Variants in ENTPD4 observed in about 807,000 individuals in gnomAD.
ENTPD4 encodes ectonucleoside triphosphate diphosphohydrolase 4, also known as Golgi UDPase.
In ENTPD4, 60 loss-of-function variants were observed where a neutral mutation model predicts 79.1. The observed-to-expected ratio is 0.76, with a 90% CI of 0.62 to 0.94. The LOEUF (loss-of-function observed/expected upper bound fraction) is 0.94, where lower values mean the gene tolerates loss of function less well. Among genes scored for constraint, ENTPD4 ranks in the 40% least tolerant of loss-of-function variants. The probability of loss-of-function intolerance (pLI) is 0.00; values close to 1 mark genes in which losing one functional copy is unlikely to be tolerated. For missense variants in ENTPD4, 772 were observed against 775.1 expected (o/e 1.00, Z 0.05); for synonymous variants, 276 against 292.0 (o/e 0.95, Z 0.56).
At chr8:23,440,636 T>C (rs1800652312) in intron 8 of ENTPD4, among the ~76,000 whole-genome samples, 1 of 152,222 alleles carries the variant, frequency 6.6e-6, no homozygotes, top group South Asian at 2.1e-4. Flanking sequence ...TTGTAATACT[T>C]GAATTTACAA....
chr8:23,434,592 C>T (rs1284816631), intron 11 of ENTPD4, 114 bp from the exon 12 acceptor site: 1 of 1,507,450 alleles, frequency 6.6e-7, no homozygotes, highest in Non-Finnish European at 8.9e-7. Flanking sequence ...CAGGGGCTTC[C>T]TCAGGCCGGC....
chr8:23,438,236 T>G (rs1438346940), intron 9 of ENTPD4, among the ~76,000 whole-genome samples: 1 of 152,222 alleles, frequency 6.6e-6, no homozygotes, highest in Non-Finnish European at 1.5e-5. Flanking sequence ...CACAGGGGCC[T>G]GACAGGTGTT....
At chr8:23,436,014 T>C (rs2117277985) in intron 10 of ENTPD4, among the ~76,000 whole-genome samples, 1 of 152,312 alleles carries the variant, frequency 6.6e-6, no homozygotes, top group East Asian at 1.9e-4. Flanking sequence ...CATCCCGACC[T>C]CTATTTAAAG....
chr8:23,447,363 C>G (rs1800779752), intron 4 of ENTPD4, among the ~76,000 whole-genome samples: 1 of 152,046 alleles, frequency 6.6e-6, no homozygotes, highest in African/African-American at 2.4e-5. Context: ...GGATAGAGAC[C>G]AATGGTTACT....
intron 3 of ENTPD4, 49 bp from the exon 4 acceptor site, chr8:23,447,934 T>C: frequency 6.7e-7 from 1 of 1,494,900 alleles, no homozygotes; most frequent in African/African-American, 1.4e-5. Context: ...GAATATCACC[T>C]GAAGTCTAAC....
chr8:23,434,187 G>T, intron 12 of ENTPD4, 130 bp downstream of exon 12: 3 of 1,236,344 alleles, frequency 2.4e-6, no homozygotes, highest in Non-Finnish European at 3.4e-6. Context: ...AAACGTCACT[G>T]TCCCTACAAT....
intron 6 of ENTPD4, 102 bp downstream of exon 6, chr8:23,443,748 A>AT (rs1800713229): frequency 1.6e-6 from 1 of 624,718 alleles, no homozygotes; most frequent in Non-Finnish European, 2.8e-6. Context: ...TATTTCCCAA[A>AT]TGTTAAGACA....
At position 23,432,675 on chromosome 8, in the gene ENTPD4, T is replaced by C. The variant is rs1266758077; in HGVS notation, c.*251A>G. ...CACCACACCCAGCTAATTTTTTGTA[T>C]TTTTAGTAGAGACGGGGTTTCACCG... is the stretch of plus-strand genomic sequence containing the variant. On this transcript the variant is annotated 3_prime_UTR_variant, in exon 13 of 13. Transcript: ENST00000358689. 1.2e-6 allele frequency: 1 copy of C among 811,946 alleles called. No homozygotes were observed. Among genetic ancestry groups the C allele is most frequent in the Non-Finnish European group, 1.6e-6 (1 of 608,162 alleles). The allele number at this position is 811,946 out of a possible 1,614,324, so 50.3% of individuals were successfully genotyped here.
chr8:23,449,140 T>C (rs1035963157), intron 2 of ENTPD4, among the ~76,000 whole-genome samples: 1 of 152,212 alleles, frequency 6.6e-6, no homozygotes, highest in Non-Finnish European at 1.5e-5. Context: ...AATCAGGCCC[T>C]GAAGGTTACG....
Position 23,437,022 on chromosome 8 carries a change from T to A in ENTPD4, c.1286A>T (p.Tyr429Phe). The A allele has an allele frequency of 6.2e-7, 1 of 1,614,106 alleles. No individual in the cohort carries two copies. The highest frequency in any genetic ancestry group is 8.5e-7 in the Non-Finnish European group (1 of 1,179,934). ...GCAGTAGTAGAATTCGGAGAAGCCA[T>A]AGAATTCACTGTTCTGGAAGTGAAT... ...PPIHFQNSEF[Y>F]GFSEFYYCTE... Residue 429 changes from tyrosine to phenylalanine, a missense_variant, in exon 10 of 13, where the codon TAT becomes TTT. By Grantham distance (22) the Tyr-to-Phe change is conservative (BLOSUM62 3). Transcript: ENST00000358689.
In ENTPD4 at chr8:23,431,591, T is replaced by C. The variant is rs998283584; in HGVS notation, c.*1335A>G. The C allele has an allele frequency of 1.1e-5, 11 of 985,330 alleles. No individual in the cohort carries two copies. In the African/African-American group the frequency reaches 1.6e-4, roughly 14 times the overall value. The allele number at this position is 985,330 out of a possible 1,614,324, so 61.0% of individuals were successfully genotyped here. ...TTCCCTTCTGGATTTACAGTGGTGC[T>C]GCCAGCAACAGCCTCAGTCAATGCG... On this transcript the variant is annotated 3_prime_UTR_variant, in exon 13 of 13. Coordinates refer to ENST00000358689, the MANE Select transcript of ENTPD4 (RefSeq NM_004901.5).
Position 23,449,827 on chromosome 8 carries a change from T to C in ENTPD4, c.8+66A>G, listed in dbSNP as rs937632076. ...TTTCACTTGCGATTTAGATTTTTTTTCTCTCAAGACCTGTTTTTGCATCAC... is the reference window on the plus strand; with the variant it reads ...TTTCACTTGCGATTTAGATTTTTTTCCTCTCAAGACCTGTTTTTGCATCAC... On this transcript the variant is annotated intron_variant, in intron 2 of 12. Coordinates refer to ENST00000358689, the MANE Select transcript of ENTPD4 (RefSeq NM_004901.5). 2.9e-6 allele frequency: 4 copies of C among 1,380,456 alleles called. No homozygotes were observed. In the South Asian group the frequency reaches 3.5e-5, roughly 12 times the overall value. The allele number at this position is 1,380,456 out of a possible 1,614,324, so 85.5% of individuals were successfully genotyped here.
At chr8:23,457,414 T>TG (rs1275089624) in intron 1 of ENTPD4, 143 bp downstream of exon 1, 35 of 152,404 alleles carry the variant, frequency 2.3e-4, no homozygotes, top group African/African-American at 8.4e-4. Context: ...TCCGCGGGGC[T>TG]AAGCAGGCGG....
intron 3 of ENTPD4, among the ~76,000 whole-genome samples, chr8:23,448,483 G>T (rs937949887): frequency 3.9e-5 from 6 of 152,178 alleles, no homozygotes; most frequent in African/African-American, 1.4e-4. Context: ...AGAAACTTCA[G>T]GGAGCCCCCT....
intron 1 of ENTPD4, 84 bp downstream of exon 1, chr8:23,457,473 C>CCGCCGGCCCCCGCACTCCAACCCACT (rs1670797893): frequency 6.7e-6 from 1 of 150,124 alleles, no homozygotes; most frequent in Middle Eastern, 3.4e-3. Context: ...GCTCGCCGCG[C>CCGCCGGCCCCCGCACTCCAACCCACT]CGCCGGCCCC....
At chr8:23,434,602 C>T in intron 11 of ENTPD4, 124 bp from the exon 12 acceptor site, 1 of 1,496,354 alleles carries the variant, frequency 6.7e-7, no homozygotes, top group African/African-American at 1.4e-5. Context: ...CTCAGGCCGG[C>T]TCTCCCAAAC....
At chr8:23,446,929 C>T (rs563717950) in intron 4 of ENTPD4, among the ~76,000 whole-genome samples, 24 of 152,202 alleles carry the variant, frequency 1.6e-4, no homozygotes, top group African/African-American at 5.8e-4. Context: ...TATTTTAATA[C>T]ATTAGTAAGA....
At position 23,429,296 on chromosome 8, in the gene ENTPD4, G is replaced by A. The variant is rs1200357704; in HGVS notation, c.*3630C>T. ...ATTCTTACTTTGGATGGAAGACATC[G>A]CTTAAACAAAAAACATTTAAAGATG... On this transcript the variant is annotated 3_prime_UTR_variant, in exon 13 of 13. Transcript: ENST00000358689. 5.1e-6 allele frequency: 5 copies of A among 985,266 alleles called. No individual in the cohort carries two copies. Among genetic ancestry groups the A allele is most frequent in the East Asian group, 1.1e-4 (1 of 8,818 alleles). 61.0% of individuals were successfully genotyped at this position (985,266 alleles called of 1,614,324 possible).
intron 8 of ENTPD4, 131 bp downstream of exon 8, chr8:23,441,438 C>A (rs1212252267): frequency 1.3e-6 from 2 of 1,488,340 alleles, no homozygotes; most frequent in Admixed American, 4.8e-5. Flanking sequence ...TCTCCTTTCT[C>A]CTGGGTTGAG....
Sources: gnomAD v4.1 joint callset for allele counts (sites outside exome capture counted in the v4.1 genomes callset) on GRCh38, gnomAD v4.1.1 for gene constraint, MANE v1.5 for transcripts, NCBI Gene and HGNC (gene_info 2026-07-23, HGNC 2026-07-21) for gene names.